The following FAM227B variants were observed in gnomAD, a reference collection of about 807,000 sequenced individuals.
FAM227B encodes protein FAM227B.
A neutral mutation model predicts 73.8 loss-of-function variants in FAM227B; 88 were observed. The observed-to-expected ratio is 1.19, with a 90% CI of 1.00 to 1.42. The LOEUF (loss-of-function observed/expected upper bound fraction) is 1.42. Among genes scored for constraint, FAM227B ranks in the 40% most tolerant of loss-of-function variants. The pLI, the probability that FAM227B is intolerant of heterozygous loss-of-function variation, is 0.00. For missense variants in FAM227B, 632 were observed against 590.9 expected, an observed-to-expected ratio of 1.07 and a Z score of -0.72; for synonymous variants, 210 against 190.5, an observed-to-expected ratio of 1.10 and a Z score of -0.84.
intron 10 of FAM227B, among the ~76,000 whole-genome samples, chr15:49,516,999 A>G (rs977398736): frequency 7.2e-5 from 11 of 152,194 alleles, no homozygotes; most frequent in Non-Finnish European, 1.3e-4. Flanking sequence ...TAGAAGCTAC[A>G]AAGAAACAGA....
At chr15:49,401,942 G>A (rs2048185848) in intron 11 of FAM227B, among the ~76,000 whole-genome samples, 1 of 149,394 alleles carries the variant, frequency 6.7e-6, no homozygotes, top group Non-Finnish European at 1.5e-5. Flanking sequence ...CATGGCACAT[G>A]TATACATATG....
rs2078654752 is a variant in FAM227B, at chr15:49,620,740, C to A, written c.-113G>T. On this transcript the variant is annotated 5_prime_UTR_variant, in exon 1 of 16. Coordinates refer to ENST00000299338, the MANE Select transcript of FAM227B (RefSeq NM_152647.3). Reference sequence around the variant, plus strand: ...ACAGTATGTTTCGAGAACCGCTTCCCAATTTTGTTGTCCCAGCAAGAATCG... The same window carrying A: ...ACAGTATGTTTCGAGAACCGCTTCCAAATTTTGTTGTCCCAGCAAGAATCG... 6.6e-6 allele frequency: 1 copy of A among 152,244 alleles called. No individual in the cohort carries two copies. The highest frequency in any genetic ancestry group is 1.5e-5 in the Non-Finnish European group (1 of 68,044). The allele number at this position is 152,244 out of a possible 1,614,324, so 9.4% of individuals were successfully genotyped here.
intron 14 of FAM227B, among the ~76,000 whole-genome samples, chr15:49,334,557 A>G (rs746896606): frequency 6.6e-6 from 1 of 152,102 alleles, no homozygotes; most frequent in Non-Finnish European, 1.5e-5. Flanking sequence ...AAAGGTGTCC[A>G]TCCGTTTTTC....
intron 13 of FAM227B, among the ~76,000 whole-genome samples, chr15:49,346,370 A>C (rs116263680): frequency 0.021 from 3,234 of 152,274 alleles, 94 homozygotes; most frequent in South Asian, 0.077. Flanking sequence ...CTTGCACAGA[A>C]TGAACCTGTT....
At chr15:49,506,994 T>C (rs1229959833) in intron 11 of FAM227B, among the ~76,000 whole-genome samples, 3 of 152,058 alleles carry the variant, frequency 2.0e-5, no homozygotes, top group Non-Finnish European at 4.4e-5. Context: ...TAGTTATTCA[T>C]ATGTGAGGGT....
chr15:49,532,755 A>T (rs183112555), intron 10 of FAM227B, among the ~76,000 whole-genome samples: 5 of 152,086 alleles, frequency 3.3e-5, no homozygotes, highest in Admixed American at 3.3e-4. Flanking sequence ...ACAGATGAAG[A>T]AAATGATGTG....
chr15:49,401,159 G>A (rs879108186), intron 11 of FAM227B, among the ~76,000 whole-genome samples: 19 of 151,868 alleles, frequency 1.3e-4, no homozygotes, highest in African/African-American at 1.7e-4. Context: ...TACAAGAAAA[G>A]AACAAACAAC....
chr15:49,560,334 A>G (rs2074141720), intron 9 of FAM227B, among the ~76,000 whole-genome samples: 1 of 152,198 alleles, frequency 6.6e-6, no homozygotes, highest in Non-Finnish European at 1.5e-5. Flanking sequence ...GAAATAAAAA[A>G]TAATTAAGAA....
intron 11 of FAM227B, among the ~76,000 whole-genome samples, chr15:49,410,806 G>A (rs1369334401): frequency 6.6e-6 from 1 of 152,066 alleles, no homozygotes; most frequent in East Asian, 1.9e-4. Flanking sequence ...ATAACATGAT[G>A]CTACTCTCAG....
At chr15:49,393,897 T>C (rs1022032186) in intron 11 of FAM227B, among the ~76,000 whole-genome samples, 2 of 152,180 alleles carry the variant, frequency 1.3e-5, no homozygotes, top group Non-Finnish European at 2.9e-5. Flanking sequence ...AATTTTATTT[T>C]TTAAATAATT....
chr15:49,463,848 C>T (rs564718053), intron 11 of FAM227B, among the ~76,000 whole-genome samples: 5 of 152,304 alleles, frequency 3.3e-5, no homozygotes, highest in South Asian at 2.1e-4. Flanking sequence ...TATTTGCTAA[C>T]GCTCTTATAA....
intron 2 of FAM227B, among the ~76,000 whole-genome samples, chr15:49,613,198 A>T (rs1051675125): frequency 2.6e-5 from 4 of 152,212 alleles, no homozygotes; most frequent in Non-Finnish European, 2.9e-5. Flanking sequence ...AAAAAATTTT[A>T]AAAAAAGGTA....
chr15:49,397,498 C>G (rs957176021), intron 11 of FAM227B, among the ~76,000 whole-genome samples: 9 of 151,930 alleles, frequency 5.9e-5, no homozygotes, highest in African/African-American at 2.2e-4. Flanking sequence ...ATACAGAGAA[C>G]ACCACAAAGA....
intron 10 of FAM227B, among the ~76,000 whole-genome samples, chr15:49,525,069 T>G (rs2060059158): frequency 6.6e-6 from 1 of 152,150 alleles, no homozygotes; most frequent in Admixed American, 6.5e-5. Context: ...TTTGAGGGAC[T>G]GTTGGGAAGG....
At chr15:49,496,715 T>G (rs1246698715) in intron 11 of FAM227B, among the ~76,000 whole-genome samples, 1 of 152,188 alleles carries the variant, frequency 6.6e-6, no homozygotes, top group African/African-American at 2.4e-5. Context: ...ACAATAAGCA[T>G]CTCAAATGTC....
At chr15:49,566,571 AT>A (rs931744021) in intron 9 of FAM227B, among the ~76,000 whole-genome samples, 3 of 152,200 alleles carry the variant, frequency 2.0e-5, no homozygotes, top group African/African-American at 4.8e-5. Flanking sequence ...ATATTAATAC[AT>A]TTATCTTCCT....
intron 5 of FAM227B, among the ~76,000 whole-genome samples, chr15:49,583,534 T>A (rs1057175815): frequency 1.3e-5 from 2 of 152,118 alleles, no homozygotes; most frequent in African/African-American, 4.8e-5. Context: ...CACCCGTTGT[T>A]TAGCATATCA....
At chr15:49,396,404 G>A (rs12908937) in intron 11 of FAM227B, 15,415 of 211,876 alleles carry the variant, frequency 0.073, 791 homozygotes, top group East Asian at 0.18. Flanking sequence ...CTGCAAGGCG[G>A]CAGCGAGGCT....
chr15:49,348,835 T>G (rs2151286582), intron 13 of FAM227B, among the ~76,000 whole-genome samples: 1 of 152,356 alleles, frequency 6.6e-6, no homozygotes, highest in East Asian at 1.9e-4. Context: ...GATATTCACT[T>G]AAACTATTTG....
Sources: gnomAD v4.1 joint callset for allele counts (sites outside exome capture counted in the v4.1 genomes callset) on GRCh38, gnomAD v4.1.1 for gene constraint, MANE v1.5 for transcripts, NCBI Gene and HGNC (gene_info 2026-07-23, HGNC 2026-07-21) for gene names.